The following RARB variants were observed in gnomAD, a reference collection of about 807,000 sequenced individuals.
RARB encodes the protein HBV-activated protein.
RARB carries 17 observed loss-of-function variants against 51.9 expected under a neutral mutation model. The ratio of observed to expected loss-of-function variants is 0.33; its 90% confidence interval spans 0.22 to 0.49. The LOEUF (loss-of-function observed/expected upper bound fraction) is 0.49. Among genes scored for constraint, RARB ranks in the 20% least tolerant of loss-of-function variants. The pLI, the probability that RARB is intolerant of heterozygous loss-of-function variation, is 0.99. For synonymous variants in RARB, 215 were observed against 195.4 expected, an observed-to-expected ratio of 1.10 and a Z score of -0.84; for missense variants, 369 against 550.8, an observed-to-expected ratio of 0.67 and a Z score of 3.30.
chr3:25,427,112 T>C (rs1708015660), upstream of RARB, among the ~76,000 whole-genome samples: 2 of 152,168 alleles, frequency 1.3e-5, no homozygotes, highest in Admixed American at 1.3e-4. Flanking sequence ...GCAACCAACA[T>C]GGCTATTTGG....
At chr3:25,568,871 T>G (rs1488273401) in intron 3 of RARB, among the ~76,000 whole-genome samples, 2 of 152,226 alleles carry the variant, frequency 1.3e-5, no homozygotes, top group African/African-American at 4.8e-5. Flanking sequence ...TCAGTTTCTT[T>G]CCTCGCGAGA....
chr3:25,128,519 T>G (rs1406075508), intron 3 of RARB, among the ~76,000 whole-genome samples: 5 of 150,492 alleles, frequency 3.3e-5, no homozygotes, highest in Admixed American at 2.7e-4. Flanking sequence ...ATTTATCACT[T>G]TTTTTGTACT....
intron 5 of RARB, among the ~76,000 whole-genome samples, chr3:25,207,670 A>G (rs1341541167): frequency 6.6e-6 from 1 of 152,292 alleles, no homozygotes; most frequent in East Asian, 1.9e-4. Flanking sequence ...AAAACCCTGT[A>G]AAGAGTTTTG....
chr3:25,020,004 C>A (rs1697594356), intron 2 of RARB, among the ~76,000 whole-genome samples: 1 of 152,074 alleles, frequency 6.6e-6, no homozygotes. Context: ...TTCCAACTTA[C>A]ACAGAGAATA....
chr3:24,943,034 C>G (rs1401522573), intron 2 of RARB, among the ~76,000 whole-genome samples: 3 of 152,240 alleles, frequency 2.0e-5, no homozygotes, highest in South Asian at 4.2e-4. Context: ...CTACCACAAT[C>G]CAAAGAAAGA....
chr3:25,030,665 CAT>C, intron 2 of RARB, among the ~76,000 whole-genome samples: 1 of 152,256 alleles, frequency 6.6e-6, no homozygotes, highest in South Asian at 2.1e-4. Flanking sequence ...TCAGTTTTGT[CAT>C]ACAATTTTGA....
chr3:25,140,865 A>G (rs529048679), intron 4 of RARB, among the ~76,000 whole-genome samples: 1 of 152,326 alleles, frequency 6.6e-6, no homozygotes, highest in Non-Finnish European at 1.5e-5. Flanking sequence ...TCCACCAACA[A>G]AAAGGTTATG....
chr3:24,955,425 T>C (rs1001777053), intron 2 of RARB, among the ~76,000 whole-genome samples: 1 of 152,134 alleles, frequency 6.6e-6, no homozygotes, highest in African/African-American at 2.4e-5. Context: ...GGGATAACTG[T>C]TCCCATTTAG....
At chr3:25,343,024 T>TGTGTGTG (rs1705278428) in intron 5 of RARB, among the ~76,000 whole-genome samples, 1 of 132,058 alleles carries the variant, frequency 7.6e-6, no homozygotes, top group Non-Finnish European at 1.6e-5. Flanking sequence ...TGCAAGTACT[T>TGTGTGTG]TGTGTGTGTG....
chr3:25,148,103 G>A (rs1157538466), intron 4 of RARB, among the ~76,000 whole-genome samples: 1 of 152,234 alleles, frequency 6.6e-6, no homozygotes, highest in South Asian at 2.1e-4. Flanking sequence ...GTTACTTGTA[G>A]CCAAAAAGAG....
chr3:25,255,854 G>A (rs1219879823), intron 5 of RARB, among the ~76,000 whole-genome samples: 1 of 151,992 alleles, frequency 6.6e-6, no homozygotes, highest in Non-Finnish European at 1.5e-5. Flanking sequence ...GCTTGTGAAT[G>A]TACTTGTTAA....
intron 2 of RARB, among the ~76,000 whole-genome samples, chr3:24,931,174 T>C (rs6795387): frequency 0.22 from 33,309 of 151,974 alleles, 3,916 homozygotes; most frequent in East Asian, 0.33. Flanking sequence ...GAATGTATTC[T>C]AGGGAGAGCC....
chr3:24,887,578 A>G (rs1407200902), intron 2 of RARB, among the ~76,000 whole-genome samples: 1 of 152,218 alleles, frequency 6.6e-6, no homozygotes, highest in Non-Finnish European at 1.5e-5. Flanking sequence ...CAATTGAACA[A>G]TAGTTTTTAC....
intron 3 of RARB, among the ~76,000 whole-genome samples, chr3:25,556,118 A>G (rs1700048463): frequency 6.6e-6 from 1 of 152,208 alleles, no homozygotes; most frequent in Admixed American, 6.5e-5. Flanking sequence ...AATGGTGGAG[A>G]TGGCTTTCTT....
intron 1 of RARB, among the ~76,000 whole-genome samples, chr3:25,442,107 T>TAATTG (rs1559404198): frequency 4.8e-5 from 7 of 146,678 alleles, no homozygotes; most frequent in African/African-American, 1.8e-4. Flanking sequence ...CTTTTTAATT[T>TAATTG]TATTTTATTT....
chr3:25,371,685 G>C (rs1357987395), intron 5 of RARB, among the ~76,000 whole-genome samples: 1 of 152,182 alleles, frequency 6.6e-6, no homozygotes, highest in East Asian at 1.9e-4. Flanking sequence ...TCCTTATTAG[G>C]CCACTTAAAA....
At chr3:24,915,504 A>T (rs1363528090) in intron 2 of RARB, among the ~76,000 whole-genome samples, 1 of 152,228 alleles carries the variant, frequency 6.6e-6, no homozygotes, top group African/African-American at 2.4e-5. Context: ...GGACAGGGAC[A>T]GCTCCAGACC....
At chr3:25,551,114 G>C (rs1020239640) in intron 3 of RARB, among the ~76,000 whole-genome samples, 1 of 152,068 alleles carries the variant, frequency 6.6e-6, no homozygotes, top group Non-Finnish European at 1.5e-5. Flanking sequence ...GAAGGGCAGG[G>C]TCTTAGCAGA....
At chr3:25,575,682 ATT>A (rs760915141) in intron 4 of RARB, among the ~76,000 whole-genome samples, 7 of 150,854 alleles carry the variant, frequency 4.6e-5, no homozygotes, top group Non-Finnish European at 1.0e-4. Flanking sequence ...AGATTTCCAC[ATT>A]TTTTTTTATA....
Sources: gnomAD v4.1 joint callset for allele counts (sites outside exome capture counted in the v4.1 genomes callset) on GRCh38, gnomAD v4.1.1 for gene constraint, MANE v1.5 for transcripts, NCBI Gene and HGNC (gene_info 2026-07-23, HGNC 2026-07-21) for gene names.